CCDC33: variants seen among roughly 807,000 people sequenced by gnomAD.
CCDC33 encodes the protein coiled-coil domain containing 33.
In CCDC33, 94 loss-of-function variants were observed where a neutral mutation model predicts 91.9. That is an observed-to-expected ratio of 1.02 (90% CI 0.87 to 1.21). The LOEUF (loss-of-function observed/expected upper bound fraction) is 1.21. CCDC33 is among the 50% of genes most tolerant of loss of function. CCDC33 has a pLI of 0.00. For synonymous variants in CCDC33, 396 were observed against 374.5 expected (o/e 1.06, Z -0.66); for missense variants, 940 against 935.5 (o/e 1.00, Z -0.06).
At chr15:74,219,083 A>G (rs2074521576) in intron 2 of CCDC33, among the ~76,000 whole-genome samples, 1 of 152,242 alleles carries the variant, frequency 6.6e-6, no homozygotes, top group African/African-American at 2.4e-5. Flanking sequence ...CACACAGAGC[A>G]GGGAGCCAAC....
rs764309474 is a variant in CCDC33, at chr15:74,268,467, G to T, written c.546+9G>T. The T allele has an allele frequency of 3.1e-6, 5 of 1,593,660 alleles. No individual in the cohort carries two copies. The East Asian group carries it at 9.1e-5, about 29-fold the overall frequency. On this transcript the variant is annotated intron_variant, in intron 5 of 18. Coordinates refer to ENST00000398814, the MANE Select transcript of CCDC33 (RefSeq NM_025055.5). ...ACCACATGGCTCTGGAGGTACCAGGGCTGGGGCCCTCTGGGGTGGTGGTGG... is the reference window on the plus strand; with the variant it reads ...ACCACATGGCTCTGGAGGTACCAGGTCTGGGGCCCTCTGGGGTGGTGGTGG...
intron 11 of CCDC33, among the ~76,000 whole-genome samples, chr15:74,324,660 C>G (rs905677360): frequency 3.3e-5 from 5 of 151,764 alleles, no homozygotes; most frequent in African/African-American, 4.8e-5. Flanking sequence ...TCCCAAGGCT[C>G]CAATGGAACC....
intron 1 of CCDC33, among the ~76,000 whole-genome samples, chr15:74,238,902 A>C (rs967147845): frequency 2.0e-5 from 3 of 152,202 alleles, no homozygotes; most frequent in Non-Finnish European, 4.4e-5. Flanking sequence ...CTCACTAGCT[A>C]AGCTGTGTGC....
intron 18 of CCDC33, chr15:74,335,665 C>G: frequency 2.4e-6 from 1 of 413,720 alleles, no homozygotes; most frequent in Non-Finnish European, 4.4e-6. Context: ...AGCTCAGCAG[C>G]GGCTCCTGGG....
chr15:74,273,468 A>G (rs914485123), intron 7 of CCDC33, among the ~76,000 whole-genome samples: 3 of 152,256 alleles, frequency 2.0e-5, no homozygotes, highest in African/African-American at 7.2e-5. Flanking sequence ...ATTTTAACCC[A>G]GTAAAAAAAT....
intron 11 of CCDC33, among the ~76,000 whole-genome samples, chr15:74,319,302 C>G (rs1596112005): frequency 6.6e-6 from 1 of 152,346 alleles, no homozygotes; most frequent in East Asian, 1.9e-4. Flanking sequence ...CAGCTGTGGG[C>G]AGAGGCTGGA....
At chr15:74,278,432 A>C (rs2076505948) in intron 7 of CCDC33, among the ~76,000 whole-genome samples, 1 of 152,194 alleles carries the variant, frequency 6.6e-6, no homozygotes, top group Admixed American at 6.5e-5. Flanking sequence ...CTGGCTGGGG[A>C]ACAGAGGCAA....
chr15:74,216,520 C>G (rs1461733469), upstream of CCDC33, among the ~76,000 whole-genome samples: 1 of 92,624 alleles, frequency 1.1e-5, no homozygotes, highest in African/African-American at 4.1e-5. Flanking sequence ...GGACCTGTAG[C>G]TGGGCTGGCC....
chr15:74,317,679 C>A (rs1356772814), intron 11 of CCDC33, among the ~76,000 whole-genome samples: 1 of 152,124 alleles, frequency 6.6e-6, no homozygotes, highest in Non-Finnish European at 1.5e-5. Flanking sequence ...CTTGCTAGGT[C>A]CAGGTGGAGG....
intron 7 of CCDC33, 73 bp downstream of exon 7, chr15:74,272,964 T>A (rs2076360962): frequency 6.3e-7 from 1 of 1,575,710 alleles, no homozygotes; most frequent in Non-Finnish European, 8.7e-7. Context: ...ACTCAGTGAG[T>A]CAGTCAGCAG....
chr15:74,219,450 T>C (rs527288349), intron 2 of CCDC33, among the ~76,000 whole-genome samples: 3 of 152,304 alleles, frequency 2.0e-5, no homozygotes, highest in South Asian at 4.1e-4. Context: ...GTATGCTTGA[T>C]GCCATTTAAT....
At chr15:74,250,340 C>T (rs893521251) in intron 2 of CCDC33, among the ~76,000 whole-genome samples, 4 of 152,108 alleles carry the variant, frequency 2.6e-5, no homozygotes, top group Non-Finnish European at 4.4e-5. Flanking sequence ...GGGTCTTTGC[C>T]GGCCCCTCCA....
At chr15:74,248,204 T>C (rs1190354712) in intron 2 of CCDC33, among the ~76,000 whole-genome samples, 1 of 152,170 alleles carries the variant, frequency 6.6e-6, no homozygotes, top group African/African-American at 2.4e-5. Context: ...TGATGATCAC[T>C]GCGGAAAGTA....
intron 11 of CCDC33, among the ~76,000 whole-genome samples, chr15:74,312,492 G>C (rs1324241167): frequency 1.3e-5 from 2 of 152,132 alleles, no homozygotes; most frequent in African/African-American, 4.8e-5. Context: ...GCGAGACATC[G>C]GTAAGTGCTC....
chr15:74,305,913 TTAAG>T (rs1311787775), intron 11 of CCDC33, among the ~76,000 whole-genome samples: 1 of 152,122 alleles, frequency 6.6e-6, no homozygotes. Context: ...CTCTTCATTG[TTAAG>T]TAGAGGAAAT....
chr15:74,204,414 T>C (rs2074209223), intron 1 of CCDC33, among the ~76,000 whole-genome samples: 1 of 152,254 alleles, frequency 6.6e-6, no homozygotes, highest in Non-Finnish European at 1.5e-5. Flanking sequence ...AGGCGGCTGC[T>C]GTGCCCTGAG....
intron 5 of CCDC33, among the ~76,000 whole-genome samples, chr15:74,269,049 T>A (rs57622624): frequency 6.6e-6 from 1 of 152,110 alleles, no homozygotes; most frequent in Non-Finnish European, 1.5e-5. Context: ...TGAGCCCACC[T>A]TGGGCCTGGC....
intron 11 of CCDC33, among the ~76,000 whole-genome samples, chr15:74,297,578 C>G (rs1191734036): frequency 6.6e-6 from 1 of 152,204 alleles, no homozygotes; most frequent in African/African-American, 2.4e-5. Flanking sequence ...TCTGTAGTCT[C>G]AGCTACTCAG....
chr15:74,330,924 C>T, intron 13 of CCDC33, 57 bp from the exon 14 acceptor site: 2 of 1,549,860 alleles, frequency 1.3e-6, no homozygotes, highest in Admixed American at 3.8e-5. Context: ...ACCCTCAGGG[C>T]CAAGGTGGAC....
Sources: allele counts gnomAD v4.1 joint callset (sites outside exome capture counted in the v4.1 genomes callset), GRCh38; gene constraint gnomAD v4.1.1; transcripts MANE v1.5; gene names NCBI Gene and HGNC (gene_info 2026-07-23, HGNC 2026-07-21).